The following PRR14 variants were observed in gnomAD, a reference collection of about 807,000 sequenced individuals.
The protein encoded by PRR14 is proline rich 14.
Under a neutral mutation model 57.2 loss-of-function variants are expected in PRR14, and 33 were observed. The ratio of observed to expected loss-of-function variants is 0.58; its 90% CI spans 0.44 to 0.77. PRR14 has a LOEUF of 0.77. Among genes scored for constraint, PRR14 ranks in the 30% least tolerant of loss-of-function variants. The probability of loss-of-function intolerance (pLI) is 0.00; values close to 1 mark genes in which losing one functional copy is unlikely to be tolerated. For synonymous variants in PRR14, 303 were observed against 314.7 expected, an observed-to-expected ratio of 0.96 and a Z score of 0.39; for missense variants, 716 against 788.1, an observed-to-expected ratio of 0.91 and a Z score of 1.10.
Position 30,650,999 on chromosome 16 carries a change from C to T in PRR14, c.-179C>T, listed in dbSNP as rs1356786740. Reference sequence around the variant, plus strand: ...GAGGGTATCTGCTTGACAGTGGATCCCTGGGGATCTACGCTGAGTTCGGAG... The same window carrying T: ...GAGGGTATCTGCTTGACAGTGGATCTCTGGGGATCTACGCTGAGTTCGGAG... On this transcript the variant is annotated 5_prime_UTR_variant, in exon 1 of 12. Coordinates refer to ENST00000300835, the MANE Select transcript of PRR14 (RefSeq NM_024031.5). The T allele has an allele frequency of 2.2e-6, 1 of 456,106 alleles. No individual in the cohort carries two copies. Among genetic ancestry groups the T allele is most frequent in the South Asian group, 1.5e-5 (1 of 64,550 alleles). The allele number at this position is 456,106 out of a possible 1,614,324, so 28.3% of individuals were successfully genotyped here. A position where few individuals can be genotyped will look rare whatever the true frequency, so the allele number is the denominator to read the frequency against.
At chr16:30,653,943 C>T (rs1048103023) in intron 6 of PRR14, among the ~76,000 whole-genome samples, 6 of 152,136 alleles carry the variant, frequency 3.9e-5, no homozygotes, top group South Asian at 4.1e-4. Flanking sequence ...GGATTACAGG[C>T]GAGAGCCACC....
At position 30,655,591 on chromosome 16, in the gene PRR14, C is replaced by T. The variant is rs555731037; in HGVS notation, c.1404C>T (p.Ile468=). 14 of 1,613,750 alleles carry T rather than the reference C, an allele frequency of 8.7e-6. No individual in the cohort carries two copies. In the Admixed American group the frequency reaches 2.3e-4, roughly 27 times the overall value. Reference sequence around the variant, plus strand: ...CACCAATGGGACTGCCTCGACCAATCAGGTGAGGGGCTCACTGGGCATTGA... The same window carrying T: ...CACCAATGGGACTGCCTCGACCAATTAGGTGAGGGGCTCACTGGGCATTGA... ...NLTPMGLPRP[I]RLNKKEFSLE... Residue 468 remains isoleucine (I), a splice_region_variant and synonymous_variant, in exon 10 of 12, where the codon ATC becomes ATT. Transcript: ENST00000300835. This position sits in a 1 kb window ranked among gnomAD's most constrained non-coding sequence, Gnocchi z 4.6.
chr16:30,654,361 G>C (rs747440989), intron 7 of PRR14, 22 bp downstream of exon 7: 4 of 1,574,544 alleles, frequency 2.5e-6, no homozygotes, highest in East Asian at 2.2e-5. Context: ...GGTAGAGATC[G>C]GATGAGACTT....
In PRR14 at chr16:30,654,367, G is replaced by C. The variant is rs781752932; in HGVS notation, c.658+28G>C. ...AAGGACTTGGGTAGAGATCGGATGA[G>C]ACTTGGGTGTCTGGGACATCCTAGT... On this transcript the variant is annotated intron_variant, in intron 7 of 11. Coordinates refer to ENST00000300835, the MANE Select transcript of PRR14 (RefSeq NM_024031.5). 3 of 1,559,780 alleles carry C rather than the reference G, an allele frequency of 1.9e-6. No individual in the cohort carries two copies. The Admixed American group carries it at 5.0e-5, about 26-fold the overall frequency.
intron 6 of PRR14, 68 bp from the exon 7 acceptor site, chr16:30,654,162 A>G (rs927948246): frequency 3.9e-6 from 4 of 1,022,726 alleles, no homozygotes; most frequent in Non-Finnish European, 3.1e-6. Flanking sequence ...CTTAAGGGAT[A>G]GGGGAGTTGC....
In PRR14 at chr16:30,652,035, C is replaced by T. The variant is rs532136568; in HGVS notation, c.192+71C>T. On this transcript the variant is annotated intron_variant, in intron 3 of 11. Coordinates refer to ENST00000300835, the MANE Select transcript of PRR14 (RefSeq NM_024031.5). ...CTCACTACCAAACTCGGGCCAGATC[C>T]CTACTGAGGATAACTGAAGTCCAAA... is the stretch of plus-strand genomic sequence containing the variant. 4.8e-4 allele frequency: 697 copies of T among 1,458,070 alleles called. 8 individuals carry two copies. The South Asian group carries it at 9.1e-3, about 19-fold the overall frequency. 90.3% of individuals were successfully genotyped at this position (1,458,070 alleles called of 1,614,324 possible). A position where few individuals can be genotyped will look rare whatever the true frequency, so the allele number is the denominator to read the frequency against.
Position 30,654,317 on chromosome 16 carries a change from C to A in PRR14, c.636C>A (p.Asp212Glu). The A allele has an allele frequency of 6.2e-7, 1 of 1,613,816 alleles. No individual in the cohort carries two copies. Among genetic ancestry groups the A allele is most frequent in the Non-Finnish European group, 8.5e-7 (1 of 1,179,744 alleles). Residue 212 changes from aspartate to glutamate, a missense_variant, in exon 7 of 12, where the codon GAC becomes GAA. Asp to Glu is a conservative substitution (Grantham distance 45). Coordinates refer to ENST00000300835, the MANE Select transcript of PRR14 (RefSeq NM_024031.5). ...PPFQPSALPA[D>E]PLESPPTAPD... is the part of the protein sequence containing the mutation. ...TCCAGCCATCTGCTCTGCCTGCAGA[C>A]CCTCTGGAGAGCCCACCAACAGGTA... is the stretch of plus-strand genomic sequence containing the variant.
intron 6 of PRR14, 108 bp from the exon 7 acceptor site, chr16:30,654,122 C>CT (rs2052340464): frequency 1.3e-6 from 1 of 754,308 alleles, no homozygotes; most frequent in African/African-American, 1.8e-5. Flanking sequence ...GAGCAAGGCT[C>CT]TGTCTCAAAA....
In PRR14 at chr16:30,655,788, A is replaced by C. The variant is rs1469319291; in HGVS notation, c.1407-80A>C. Reference sequence around the variant, plus strand: ...TGGCCCTGACATGTCCCAGAAACTGAAATACAGACCAGGCCTTACCTGTCC... The same window carrying C: ...TGGCCCTGACATGTCCCAGAAACTGCAATACAGACCAGGCCTTACCTGTCC... On this transcript the variant is annotated intron_variant, in intron 10 of 11. Coordinates refer to ENST00000300835, the MANE Select transcript of PRR14 (RefSeq NM_024031.5). This position sits in a 1 kb window ranked among gnomAD's most constrained non-coding sequence, Gnocchi z 4.6. 4.0e-6 allele frequency: 6 copies of C among 1,510,884 alleles called. No homozygotes were observed. Among genetic ancestry groups the C allele is most frequent in the Non-Finnish European group, 5.5e-6 (6 of 1,086,246 alleles). 93.6% of individuals were successfully genotyped at this position (1,510,884 alleles called of 1,614,324 possible).
rs372621093 is a variant in PRR14, at chr16:30,654,261, A to G, written c.580A>G (p.Thr194Ala). ...AEPMRIVRQP[T>A]PPPGDLEPPF... ...GCCCATGAGGATAGTTCGCCAGCCA[A>G]CGCCTCCACCTGGGGACCTAGAACC... Residue 194 changes from threonine to alanine, a missense_variant, in exon 7 of 12, where the codon ACG (threonine) becomes GCG (alanine). By Grantham distance (58) the Thr-to-Ala change is moderately conservative. Transcript: ENST00000300835. 4.8e-5 allele frequency: 77 copies of G among 1,613,934 alleles called. No individual in the cohort carries two copies. Among genetic ancestry groups the G allele is most frequent in the Non-Finnish European group, 6.5e-5 (77 of 1,179,984 alleles).
At position 30,654,667 on chromosome 16, in the gene PRR14, C is replaced by A; in HGVS notation, c.697C>A (p.Pro233Thr). ...TCTGGAGCTCCCATCCACCCCACCACCGTCCAGCCTTTTACGCCCCCGCCT... is the reference window on the plus strand; with the variant it reads ...TCTGGAGCTCCCATCCACCCCACCAACGTCCAGCCTTTTACGCCCCCGCCT... ...PALELPSTPP[P>T]SSLLRPRLSP... Residue 233 changes from proline to threonine, a missense_variant, in exon 8 of 12, where the codon CCG (proline) becomes ACG (threonine). Coordinates refer to ENST00000300835, the MANE Select transcript of PRR14 (RefSeq NM_024031.5). 6.2e-7 allele frequency: 1 copy of A among 1,612,528 alleles called. No homozygotes were observed. Among genetic ancestry groups the A allele is most frequent in the East Asian group, 2.2e-5 (1 of 44,876 alleles).
At chr16:30,652,696 C>G (rs1182757383) in intron 3 of PRR14, 25 bp from the exon 4 acceptor site, 2 of 1,614,100 alleles carry the variant, frequency 1.2e-6, no homozygotes, top group South Asian at 2.2e-5. Flanking sequence ...TATCACCTTG[C>G]TCTTGACACC....
At position 30,652,928 on chromosome 16, in the gene PRR14, T is replaced by C. The variant is rs200161221; in HGVS notation, c.329T>C (p.Leu110Pro). ...TCCCTCGCTAGGCCTCCCGACCCTC[T>C]GTGTTTGTGTCGCGAGCCCTTGAGC... Reference protein sequence around the residue: ...WSSQARPPDPLCLCREPLSRI... With the variant: ...WSSQARPPDPPCLCREPLSRI... Residue 110 changes from leucine to proline, a missense_variant, in exon 5 of 12, where the codon CTG (leucine) becomes CCG (proline). Transcript: ENST00000300835. The C allele has an allele frequency of 3.7e-6, 6 of 1,614,004 alleles. No individual in the cohort carries two copies. In the East Asian group the frequency reaches 1.3e-4, roughly 36 times the overall value.
chr16:30,655,007 C>T lies in PRR14; in HGVS notation c.1037C>T (p.Thr346Ile). ...GGGCCCCCTGGCCCAGGTACCTGCA[C>T]CTGGCCACCTGCTCCACCCCAACCA... ...DLGPPGPGTCTWPPAPPQPSR... is the reference protein window; with the variant it reads ...DLGPPGPGTCIWPPAPPQPSR... The change falls in exon 8 of 12, where the codon ACC becomes ATC. Residue 346 changes from threonine to isoleucine, a missense_variant. Coordinates refer to ENST00000300835, the MANE Select transcript of PRR14 (RefSeq NM_024031.5). This position sits in a 1 kb window ranked among gnomAD's most constrained non-coding sequence, Gnocchi z 4.6. 6.2e-7 allele frequency: 1 copy of T among 1,610,536 alleles called. No individual in the cohort carries two copies. Among genetic ancestry groups the T allele is most frequent in the Non-Finnish European group, 8.5e-7 (1 of 1,179,900 alleles).
Position 30,651,545 on chromosome 16 carries a change from G to A in PRR14, c.-50-51G>A. ...GCGGACCATGAAGGGCGGAGCCCCA[G>A]GGAAGGGGCCGGCCCTCACCCCCCG... On this transcript the variant is annotated intron_variant, in intron 1 of 11. Coordinates refer to ENST00000300835, the MANE Select transcript of PRR14 (RefSeq NM_024031.5). The surrounding 1 kb of genome is among the most constrained non-coding windows in gnomAD (Gnocchi z 5.0). 3 of 795,204 alleles carry A rather than the reference G, an allele frequency of 3.8e-6. No individual in the cohort carries two copies. Among genetic ancestry groups the A allele is most frequent in the Non-Finnish European group, 5.6e-6 (3 of 531,174 alleles). The allele number at this position is 795,204 out of a possible 1,614,324, so 49.3% of individuals were successfully genotyped here. A position where few individuals can be genotyped will look rare whatever the true frequency, so the allele number is the denominator to read the frequency against.
rs2052311221 is a variant in PRR14 at position 30,651,508 on chromosome 16, G to C, written c.-50-88G>C. ...CCCAGGGCTGCGGCCGCTGGGCTAC[G>C]GGGAGCCGCGGGCGGACCATGAAGG... is the stretch of plus-strand genomic sequence containing the variant. On this transcript the variant is annotated intron_variant, in intron 1 of 11. Coordinates refer to ENST00000300835, the MANE Select transcript of PRR14 (RefSeq NM_024031.5). The surrounding 1 kb of genome is among the most constrained non-coding windows in gnomAD (Gnocchi z 5.0). 5.0e-6 allele frequency: 3 copies of C among 602,022 alleles called. No homozygotes were observed. The highest frequency in any genetic ancestry group is 6.8e-5 in the East Asian group (2 of 29,294). The allele number at this position is 602,022 out of a possible 1,614,324, so 37.3% of individuals were successfully genotyped here. A position where few individuals can be genotyped will look rare whatever the true frequency, so the allele number is the denominator to read the frequency against.
chr16:30,652,083 C>G, intron 3 of PRR14, 119 bp downstream of exon 3: 1 of 1,120,576 alleles, frequency 8.9e-7, no homozygotes, highest in African/African-American at 1.6e-5. Flanking sequence ...GTACTCAGCC[C>G]TCAGGCAGCC....
Position 30,654,785 on chromosome 16 carries a change from A to AG in PRR14, c.816dup (p.Pro273AlafsTer26). 1.2e-5 allele frequency: 12 copies of AG among 983,030 alleles called. No individual in the cohort carries two copies. Among genetic ancestry groups the AG allele is most frequent in the Non-Finnish European group, 1.8e-5 (12 of 669,972 alleles). The allele number at this position is 983,030 out of a possible 1,614,324, so 60.9% of individuals were successfully genotyped here. On this transcript the variant is annotated frameshift_variant, in exon 8 of 12. Transcript: ENST00000300835. LOFTEE classifies it high-confidence loss of function. ...TTCCTCACGCCCAACAAAACCCCAC[A>AG]GCCCCCACCCCCGTCCCCCCCAATG...
Position 30,656,224 on chromosome 16 carries a change from C to T in PRR14, c.1671C>T (p.Gly557=). 1 of 1,613,486 alleles carries T rather than the reference C, an allele frequency of 6.2e-7. No individual in the cohort carries two copies. Among genetic ancestry groups the T allele is most frequent in the South Asian group, 1.1e-5 (1 of 91,070 alleles). The change falls in exon 12 of 12, where the codon GGC becomes GGT. Residue 557 remains glycine (G), a synonymous_variant. Transcript: ENST00000300835. ...ATGTGGCCCCCAGCCCTGATGTGGG[C>T]CCCCTGCTCCAGCAGCGGCTGGAGG... ...PPNVAPSPDV[G]PLLQQRLEEL... is the part of the protein sequence containing the mutation.
Sources: gnomAD v4.1 joint callset for allele counts (sites outside exome capture counted in the v4.1 genomes callset) on GRCh38, gnomAD v4.1.1 for gene constraint, Gnocchi (gnomAD v3.1) non-coding constraint, MANE v1.5 for transcripts, NCBI Gene and HGNC (gene_info 2026-07-23, HGNC 2026-07-21) for gene names.